Variants in FRMD4A observed in about 807,000 individuals in gnomAD.
FRMD4A encodes the protein FERM domain containing 4A.
Under a neutral mutation model 129.1 loss-of-function variants are expected in FRMD4A, and 29 were observed. That is an observed-to-expected ratio of 0.22 (90% CI 0.17 to 0.31). The LOEUF (loss-of-function observed/expected upper bound fraction) is 0.31. Among genes scored for constraint, FRMD4A ranks in the 10% least tolerant of loss-of-function variants. The probability of loss-of-function intolerance (pLI) is 1.00; values close to 1 mark genes in which losing one functional copy is unlikely to be tolerated. For synonymous variants in FRMD4A, 634 were observed against 571.6 expected (o/e 1.11, Z -1.56); for missense variants, 1,272 against 1,375.8 (o/e 0.92, Z 1.19).
chr10:13,888,259 A>T (rs2094649182), intron 2 of FRMD4A, among the ~76,000 whole-genome samples: 1 of 152,122 alleles, frequency 6.6e-6, no homozygotes, highest in Non-Finnish European at 1.5e-5. Flanking sequence ...AGATTCTCTG[A>T]CTCTGATTTT....
At chr10:13,964,025 T>C (rs1588584006) in intron 2 of FRMD4A, among the ~76,000 whole-genome samples, 2 of 151,586 alleles carry the variant, frequency 1.3e-5, no homozygotes. Context: ...GCATTCATGC[T>C]TGGAGGAAGG....
intron 2 of FRMD4A, among the ~76,000 whole-genome samples, chr10:14,143,164 C>T (rs959519318): frequency 6.6e-6 from 1 of 152,104 alleles, no homozygotes; most frequent in Non-Finnish European, 1.5e-5. Flanking sequence ...AGCAAGGACT[C>T]GAAGAGATAG....
At chr10:14,116,303 T>C (rs1420802779) in intron 2 of FRMD4A, among the ~76,000 whole-genome samples, 1 of 152,176 alleles carries the variant, frequency 6.6e-6, no homozygotes, top group Non-Finnish European at 1.5e-5. Flanking sequence ...CCACGACAGT[T>C]TATTGTTCAC....
chr10:13,896,863 C>G (rs1415709238), intron 2 of FRMD4A, among the ~76,000 whole-genome samples: 2 of 152,068 alleles, frequency 1.3e-5, no homozygotes, highest in African/African-American at 4.8e-5. Flanking sequence ...TGGTCTGTTC[C>G]CCGAAGAGCA....
chr10:14,235,043 G>C (rs1402512800), intron 2 of FRMD4A, among the ~76,000 whole-genome samples: 1 of 152,134 alleles, frequency 6.6e-6, no homozygotes, highest in African/African-American at 2.4e-5. Context: ...GGAAGGGGTA[G>C]TTCCCTTCAA....
intron 2 of FRMD4A, among the ~76,000 whole-genome samples, chr10:14,287,143 G>T (rs66546729): frequency 1.0e-4 from 4 of 38,940 alleles, no homozygotes; most frequent in African/African-American, 3.4e-4. Context: ...CAGGCCCCCC[G>T]CTCCGTGATG....
At chr10:14,247,927 A>C (rs1376682870) in intron 2 of FRMD4A, among the ~76,000 whole-genome samples, 1 of 152,018 alleles carries the variant, frequency 6.6e-6, no homozygotes, top group Non-Finnish European at 1.5e-5. Context: ...GTTAAAAAAA[A>C]AATTGGAAAC....
chr10:13,731,649 C>CAA (rs35512356), intron 12 of FRMD4A, among the ~76,000 whole-genome samples: 2,573 of 116,444 alleles, frequency 0.022, 126 homozygotes, highest in African/African-American at 0.079. Context: ...GACTTCATCT[C>CAA]AAAAAAAAAA....
intron 2 of FRMD4A, among the ~76,000 whole-genome samples, chr10:13,865,183 G>A (rs1380921619): frequency 5.3e-5 from 8 of 152,178 alleles, no homozygotes; most frequent in African/African-American, 1.9e-4. Flanking sequence ...CTGTACAAGA[G>A]GGATAAAATA....
At chr10:14,318,482 G>A (rs968833083) in intron 2 of FRMD4A, among the ~76,000 whole-genome samples, 2 of 152,066 alleles carry the variant, frequency 1.3e-5, no homozygotes, top group Admixed American at 1.3e-4. Context: ...CACAGAGCAG[G>A]CTGACCAGGA....
At chr10:14,274,645 G>A (rs572385814) in intron 2 of FRMD4A, among the ~76,000 whole-genome samples, 4 of 152,156 alleles carry the variant, frequency 2.6e-5, no homozygotes, top group Admixed American at 2.0e-4. Context: ...CTGAACCTCC[G>A]CCAGGGACGC....
chr10:13,918,278 A>G (rs2095032260), intron 2 of FRMD4A, among the ~76,000 whole-genome samples: 1 of 152,146 alleles, frequency 6.6e-6, no homozygotes, highest in South Asian at 2.1e-4. Context: ...TCAATACACC[A>G]TTTTTGAATT....
In FRMD4A at chr10:14,008,448, G is replaced by C. The variant is rs912297874; in HGVS notation, c.46-149536C>G. The C allele has an allele frequency of 1.2e-5, 12 of 1,002,758 alleles. No individual in the cohort carries two copies. In the African/African-American group the frequency reaches 2.1e-4, roughly 17 times the overall value. 62.1% of individuals were successfully genotyped at this position (1,002,758 alleles called of 1,614,324 possible). A position where few individuals can be genotyped will look rare whatever the true frequency, so the allele number is the denominator to read the frequency against. On this transcript the variant is annotated intron_variant, in intron 2 of 24. Transcript: ENST00000357447. Reference sequence around the variant, plus strand: ...TGTCCCTCTGCACAGCTGGCTCAGCGAGACTGCCGTGTCCCGCTTGTGGGC... The same window carrying C: ...TGTCCCTCTGCACAGCTGGCTCAGCCAGACTGCCGTGTCCCGCTTGTGGGC...
intron 2 of FRMD4A, among the ~76,000 whole-genome samples, chr10:14,010,664 C>CTTTTTTTTTGTTTTTTTTTTTTTTTTT (rs2095678827): frequency 1.3e-5 from 1 of 76,418 alleles, no homozygotes; most frequent in South Asian, 7.3e-4. Context: ...GAGTTTAGGT[C>CTTTTTTTTTGTTTTTTTTTTTTTTTTT]TTTTTTTTTT....
chr10:13,890,997 A>G, intron 2 of FRMD4A: 1 of 232,938 alleles, frequency 4.3e-6, no homozygotes. Context: ...TCGGTGCAGC[A>G]CCGGGAATCT....
chr10:14,021,678 T>C (rs1832761553), intron 2 of FRMD4A, among the ~76,000 whole-genome samples: 1 of 151,940 alleles, frequency 6.6e-6, no homozygotes, highest in African/African-American at 2.4e-5. Flanking sequence ...ACTCCTGGAG[T>C]CCTCACTCAC....
intron 2 of FRMD4A, among the ~76,000 whole-genome samples, chr10:14,069,238 C>G (rs998610918): frequency 6.6e-6 from 1 of 152,156 alleles, no homozygotes; most frequent in Non-Finnish European, 1.5e-5. Flanking sequence ...TGGTGATAGA[C>G]TATGTTATTG....
At chr10:14,297,777 C>T (rs528252825) in intron 2 of FRMD4A, among the ~76,000 whole-genome samples, 34 of 152,136 alleles carry the variant, frequency 2.2e-4, no homozygotes, top group Middle Eastern at 3.4e-3. Flanking sequence ...CCCAGGTAAG[C>T]GGCTCTGGGA....
chr10:14,149,554 G>A (rs2177028), intron 2 of FRMD4A, among the ~76,000 whole-genome samples: 42,821 of 152,026 alleles, frequency 0.28, 7,111 homozygotes, highest in East Asian at 0.49. Context: ...ATCCAGGCTG[G>A]AGTACAGTGG....
Sources: gnomAD v4.1 joint callset for allele counts (sites outside exome capture counted in the v4.1 genomes callset) on GRCh38, gnomAD v4.1.1 for gene constraint, MANE v1.5 for transcripts, NCBI Gene and HGNC (gene_info 2026-07-23, HGNC 2026-07-21) for gene names.